Variants in AGBL1 observed in about 807,000 individuals in gnomAD.
The protein encoded by AGBL1 is cytosolic carboxypeptidase 4.
A neutral mutation model predicts 118.9 loss-of-function variants in AGBL1; 130 were observed. The ratio of observed to expected loss-of-function variants is 1.09; its 90% CI spans 0.95 to 1.26. The LOEUF is 1.26. AGBL1 is among the 50% of genes most tolerant of loss of function. The pLI, the probability that AGBL1 is intolerant of heterozygous loss-of-function variation, is 0.00. For synonymous variants in AGBL1, 555 were observed against 478.9 expected (o/e 1.16, Z -2.08); for missense variants, 1,584 against 1,298.1 (o/e 1.22, Z -3.38).
intron 24 of AGBL1, among the ~76,000 whole-genome samples, chr15:87,005,459 C>A (rs1019038710): frequency 3.3e-5 from 5 of 152,144 alleles, no homozygotes; most frequent in Non-Finnish European, 2.9e-5. Flanking sequence ...ATCACTGATA[C>A]CCTTTCTTCC....
At chr15:86,416,567 T>C (rs1476906635) in intron 18 of AGBL1, among the ~76,000 whole-genome samples, 1 of 151,134 alleles carries the variant, frequency 6.6e-6, no homozygotes, top group Non-Finnish European at 1.5e-5. Context: ...GGGAACACTT[T>C]TTTATAAAAA....
intron 24 of AGBL1, among the ~76,000 whole-genome samples, chr15:87,005,307 C>T (rs2081486731): frequency 1.3e-5 from 2 of 152,180 alleles, no homozygotes; most frequent in Admixed American, 6.5e-5. Context: ...TTTCATTCTC[C>T]CTGTCACTTT....
At chr15:86,528,199 G>A (rs2083294303) in intron 19 of AGBL1, among the ~76,000 whole-genome samples, 1 of 152,186 alleles carries the variant, frequency 6.6e-6, no homozygotes, top group Non-Finnish European at 1.5e-5. Context: ...TGAGGTACCG[G>A]GTTCATCTCA....
At chr15:86,605,301 T>G (rs1165276772) in intron 21 of AGBL1, among the ~76,000 whole-genome samples, 1 of 151,960 alleles carries the variant, frequency 6.6e-6, no homozygotes, top group Non-Finnish European at 1.5e-5. Context: ...GTCCTGTTGG[T>G]GACTTTTTAA....
chr15:86,720,252 T>C (rs2086697201), intron 22 of AGBL1, among the ~76,000 whole-genome samples: 1 of 152,190 alleles, frequency 6.6e-6, no homozygotes. Context: ...TTGCACATTA[T>C]TCCTTGTTAG....
chr15:86,769,166 A>C (rs1392862329), intron 22 of AGBL1, among the ~76,000 whole-genome samples: 1 of 139,854 alleles, frequency 7.2e-6, no homozygotes, highest in African/African-American at 3.0e-5. Flanking sequence ...TGGGCTTCTC[A>C]TTTTGAGAGG....
At chr15:86,445,538 A>T (rs1284030876) in intron 18 of AGBL1, among the ~76,000 whole-genome samples, 1 of 152,220 alleles carries the variant, frequency 6.6e-6, no homozygotes, top group Non-Finnish European at 1.5e-5. Flanking sequence ...CTTGTTGTTA[A>T]GTATGGCAGA....
intron 17 of AGBL1, among the ~76,000 whole-genome samples, chr15:86,386,729 A>G (rs1201892596): frequency 6.6e-6 from 1 of 152,112 alleles, no homozygotes; most frequent in East Asian, 1.9e-4. Context: ...ACTAATGCCC[A>G]GGACCTCAAG....
intron 22 of AGBL1, among the ~76,000 whole-genome samples, chr15:86,853,556 C>T (rs1052570421): frequency 6.6e-6 from 1 of 152,142 alleles, no homozygotes; most frequent in Non-Finnish European, 1.5e-5. Flanking sequence ...TCAGGATCTG[C>T]ACTACAGAAT....
chr15:86,618,126 G>A (rs1347153523), intron 21 of AGBL1, among the ~76,000 whole-genome samples: 1 of 152,154 alleles, frequency 6.6e-6, no homozygotes, highest in Non-Finnish European at 1.5e-5. Flanking sequence ...CCAACAAACA[G>A]AAATACTCTT....
chr15:86,608,395 G>T (rs182311236), intron 21 of AGBL1, among the ~76,000 whole-genome samples: 22 of 152,304 alleles, frequency 1.4e-4, no homozygotes, highest in African/African-American at 5.1e-4. Flanking sequence ...TTTTAAAGTA[G>T]GGGAATGCAA....
chr15:86,239,109 A>C (rs1597606560), intron 6 of AGBL1, among the ~76,000 whole-genome samples: 1 of 152,222 alleles, frequency 6.6e-6, no homozygotes, highest in Non-Finnish European at 1.5e-5. Flanking sequence ...GTGGCAAGTT[A>C]TTAGAAGGAG....
intron 18 of AGBL1, among the ~76,000 whole-genome samples, chr15:86,429,717 C>T (rs2081911939): frequency 6.6e-6 from 1 of 152,188 alleles, no homozygotes; most frequent in Non-Finnish European, 1.5e-5. Context: ...TTATTTCAGG[C>T]AAATGAATTC....
At chr15:86,406,602 C>T (rs1419984076) in intron 18 of AGBL1, among the ~76,000 whole-genome samples, 3 of 152,106 alleles carry the variant, frequency 2.0e-5, no homozygotes, top group East Asian at 1.9e-4. Flanking sequence ...AATTTTGTAA[C>T]GTAGAGGCTC....
In AGBL1 at chr15:86,397,372, G is replaced by T; in HGVS notation, c.2381G>T (p.Arg794Leu). Residue 794 changes from arginine (R) to leucine (L), a missense_variant, in exon 18 of 23, where the codon CGT (arginine) becomes CTT (leucine). Coordinates refer to ENST00000614907, the MANE Select transcript of AGBL1 (RefSeq NM_001386094.1). ...TATGTCCCTTTTTCTGCAGGACATC[G>T]TCCATATCAGGTGATCACTGCTCGA... ...SDEHLEQFRH[R>L]PYQVITARVH... The T allele has an allele frequency of 6.3e-7, 1 of 1,577,538 alleles. No individual in the cohort carries two copies. The highest frequency in any genetic ancestry group is 8.6e-7 in the Non-Finnish European group (1 of 1,157,966).
At chr15:86,603,673 C>T (rs1396219746) in intron 21 of AGBL1, among the ~76,000 whole-genome samples, 2 of 152,146 alleles carry the variant, frequency 1.3e-5, no homozygotes, top group Non-Finnish European at 2.9e-5. Flanking sequence ...TCTCTTCCCG[C>T]CCCCTCCATC....
At chr15:86,227,296 C>G (rs975469563) in intron 6 of AGBL1, among the ~76,000 whole-genome samples, 14 of 152,368 alleles carry the variant, frequency 9.2e-5, no homozygotes, top group African/African-American at 2.9e-4. Flanking sequence ...TTTGCTAATT[C>G]TGCTGAGCTG....
At chr15:86,512,946 T>C (rs929943627) in intron 18 of AGBL1, among the ~76,000 whole-genome samples, 37 of 151,926 alleles carry the variant, frequency 2.4e-4, no homozygotes, top group African/African-American at 8.2e-4. Context: ...TTTCAAGTTA[T>C]AACTTTTAAA....
At chr15:86,614,962 A>G (rs960805300) in intron 21 of AGBL1, among the ~76,000 whole-genome samples, 8 of 152,154 alleles carry the variant, frequency 5.3e-5, no homozygotes, top group Non-Finnish European at 8.8e-5. Context: ...GTTTATAGAG[A>G]ATGAGCAAAG....
Sources: gnomAD v4.1 joint callset for allele counts (sites outside exome capture counted in the v4.1 genomes callset) on GRCh38, gnomAD v4.1.1 for gene constraint, MANE v1.5 for transcripts, NCBI Gene and HGNC (gene_info 2026-07-23, HGNC 2026-07-21) for gene names.